LUZP2: variants seen among roughly 807,000 people sequenced by gnomAD.
LUZP2 encodes leucine zipper protein 2.
A neutral mutation model predicts 51.6 loss-of-function variants in LUZP2; 52 were observed. The ratio of observed to expected loss-of-function variants is 1.01; its 90% CI spans 0.81 to 1.27. The LOEUF is 1.27. Ranked by LOEUF, LUZP2 falls within the 50% of genes most tolerant of loss-of-function variation. The pLI is 0.00. For missense variants in LUZP2, 436 were observed against 395.4 expected (o/e 1.10, Z -0.87); for synonymous variants, 154 against 137.3 (o/e 1.12, Z -0.85).
At chr11:24,924,087 T>G (rs1221590035) in intron 7 of LUZP2, among the ~76,000 whole-genome samples, 1 of 151,386 alleles carries the variant, frequency 6.6e-6, no homozygotes, top group East Asian at 2.0e-4. Flanking sequence ...GCTTTTTTTT[T>G]TCTTTAATTG....
chr11:24,977,161 TTAAC>T (rs1444830257), intron 8 of LUZP2, among the ~76,000 whole-genome samples: 1 of 151,742 alleles, frequency 6.6e-6, no homozygotes, highest in Non-Finnish European at 1.5e-5. Context: ...TGGAAGTAAT[TTAAC>T]TGTTTACTGT....
At chr11:24,688,187 A>G (rs1856954858) in intron 1 of LUZP2, among the ~76,000 whole-genome samples, 1 of 152,212 alleles carries the variant, frequency 6.6e-6, no homozygotes, top group South Asian at 2.1e-4. Flanking sequence ...TGATGTTTAC[A>G]AAGTGTCACA....
chr11:24,918,271 T>G (rs2133808277), intron 7 of LUZP2, among the ~76,000 whole-genome samples: 1 of 152,258 alleles, frequency 6.6e-6, no homozygotes, highest in East Asian at 1.9e-4. Context: ...TACAATCATG[T>G]CATCTGCAAA....
chr11:24,943,346 A>AT (rs1201865761), intron 7 of LUZP2, among the ~76,000 whole-genome samples: 6 of 151,530 alleles, frequency 4.0e-5, no homozygotes, highest in African/African-American at 1.2e-4. Flanking sequence ...TCTGTTTTTT[A>AT]TTTTTTTTCC....
At chr11:24,848,243 A>G (rs1489237994) in intron 5 of LUZP2, among the ~76,000 whole-genome samples, 3 of 152,156 alleles carry the variant, frequency 2.0e-5, no homozygotes, top group Admixed American at 6.6e-5. Flanking sequence ...ACGCTTTCAC[A>G]CTGAAACCTA....
At chr11:24,940,016 G>T (rs953717530) in intron 7 of LUZP2, among the ~76,000 whole-genome samples, 1 of 151,782 alleles carries the variant, frequency 6.6e-6, no homozygotes, top group African/African-American at 2.4e-5. Context: ...ACTGGTTCTG[G>T]CTCTATTTTT....
chr11:24,751,243 A>C (rs1679584903), intron 4 of LUZP2, among the ~76,000 whole-genome samples: 1 of 152,188 alleles, frequency 6.6e-6, no homozygotes, highest in Non-Finnish European at 1.5e-5. Context: ...AGCATGCGAA[A>C]AACCCAACAA....
At chr11:25,046,238 T>C (rs868358487) in intron 9 of LUZP2, among the ~76,000 whole-genome samples, 1 of 91,664 alleles carries the variant, frequency 1.1e-5, no homozygotes, top group African/African-American at 3.6e-5. Context: ...AAAAAAAAAA[T>C]GAGTCAATGA....
intron 9 of LUZP2, among the ~76,000 whole-genome samples, chr11:25,011,954 G>A (rs1028757212): frequency 6.6e-6 from 1 of 151,928 alleles, no homozygotes; most frequent in Non-Finnish European, 1.5e-5. Context: ...AATACAAAAT[G>A]GAGATGGTTA....
intron 5 of LUZP2, chr11:24,831,815 T>C (rs991777988): frequency 1.3e-5 from 2 of 152,600 alleles, no homozygotes; most frequent in African/African-American, 2.4e-5. Flanking sequence ...AGTTTCTGTT[T>C]TCTTTTTTTT....
At chr11:24,517,362 T>C (rs1229110025) in intron 1 of LUZP2, among the ~76,000 whole-genome samples, 3 of 151,480 alleles carry the variant, frequency 2.0e-5, no homozygotes, top group Non-Finnish European at 2.9e-5. Flanking sequence ...GGCGGGTTCC[T>C]GTAGTCCCAG....
rs574845219 is a variant in LUZP2 at position 25,036,357 on chromosome 11, CTTTCTT to C, written c.766-13673_766-13668del. ...CTGATTGTGCTTATTGCAATCTTCT[CTTTCTT>C]TTTCTTTGTTAGTCTAGCTAGTGGT... On this transcript the variant is annotated intron_variant, in intron 9 of 11. Coordinates refer to ENST00000336930, the MANE Select transcript of LUZP2 (RefSeq NM_001009909.4). 2.9e-3 allele frequency among the ~76,000 whole-genome samples: 440 copies of C among 152,006 alleles called. 3 individuals are homozygous for C. The highest frequency in any genetic ancestry group is 1.0e-2 in the African/African-American group (414 of 41,506).
At chr11:24,786,572 T>C in intron 5 of LUZP2, 2 of 311,220 alleles carry the variant, frequency 6.4e-6, no homozygotes, top group Non-Finnish European at 9.2e-6. Flanking sequence ...AATTATATAA[T>C]ATATAAAATA....
chr11:24,572,012 T>C (rs1509588), intron 1 of LUZP2, among the ~76,000 whole-genome samples: 1 of 151,586 alleles, frequency 6.6e-6, no homozygotes, highest in Non-Finnish European at 1.5e-5. Flanking sequence ...TATGTACATT[T>C]TCACTCTGGA....
chr11:24,690,338 G>T (rs961469044), intron 1 of LUZP2, among the ~76,000 whole-genome samples: 3 of 152,036 alleles, frequency 2.0e-5, no homozygotes, highest in African/African-American at 7.2e-5. Flanking sequence ...TTTGTTTAAA[G>T]CAGTTTTGTT....
chr11:24,890,860 C>T (rs1852830035), intron 5 of LUZP2: 1 of 927,030 alleles, frequency 1.1e-6, no homozygotes, highest in Admixed American at 6.6e-5. Flanking sequence ...AAATATAAAG[C>T]ATTTTAGGGC....
At chr11:24,665,556 A>G (rs1217462639) in intron 1 of LUZP2, among the ~76,000 whole-genome samples, 3 of 152,182 alleles carry the variant, frequency 2.0e-5, no homozygotes, top group Non-Finnish European at 4.4e-5. Context: ...TGTAGTTCTC[A>G]TAATCCCCAA....
chr11:24,954,660 T>G (rs992593117), intron 7 of LUZP2, among the ~76,000 whole-genome samples: 2 of 152,066 alleles, frequency 1.3e-5, no homozygotes, highest in African/African-American at 4.8e-5. Flanking sequence ...ACTGCTTAAC[T>G]GCTTGAAACC....
chr11:25,021,032 AT>A (rs1329679128), intron 9 of LUZP2, among the ~76,000 whole-genome samples: 5 of 152,058 alleles, frequency 3.3e-5, no homozygotes, highest in Non-Finnish European at 7.4e-5. Context: ...CTACATTAAG[AT>A]TTTATATGTA....
Sources: allele counts gnomAD v4.1 joint callset (sites outside exome capture counted in the v4.1 genomes callset), GRCh38; gene constraint gnomAD v4.1.1; transcripts MANE v1.5; gene names NCBI Gene and HGNC (gene_info 2026-07-23, HGNC 2026-07-21).